MRPS22: variants seen among roughly 807,000 people sequenced by gnomAD.
MRPS22 encodes the protein mitochondrial ribosomal protein S22.
MRPS22 carries 30 observed loss-of-function variants against 44.0 expected under a neutral mutation model. The ratio of observed to expected loss-of-function variants is 0.68; its 90% CI spans 0.51 to 0.93. MRPS22 has a LOEUF of 0.93. Ranked by LOEUF, MRPS22 falls within the 40% of genes least tolerant of loss-of-function variation. The probability of loss-of-function intolerance (pLI) is 0.00; values close to 1 mark genes in which losing one functional copy is unlikely to be tolerated. For synonymous variants in MRPS22, 165 were observed against 154.4 expected (o/e 1.07, Z -0.51); for missense variants, 447 against 447.8 (o/e 1.00, Z 0.02).
chr3:139,348,160 GC>G lies in MRPS22; in HGVS notation c.341del (p.Ala114ValfsTer13), dbSNP rs1941081124. ...KLMTQAQLEEATRQAVEAAKV... is the reference protein window; with the variant it reads ...KLMTQAQLEEXTRQAVEAAKV... ...CTTAATAAATATTTTCTTTCATTAGGCTACAAGACAGGCAGTTGAGGCAGCT... is the reference window on the plus strand; with the variant it reads ...CTTAATAAATATTTTCTTTCATTAGGTACAAGACAGGCAGTTGAGGCAGCT... On this transcript the variant is annotated frameshift_variant and splice_region_variant, in exon 3 of 8. Coordinates refer to ENST00000680020, the MANE Select transcript of MRPS22 (RefSeq NM_020191.4). LOFTEE classifies it high-confidence loss of function. 4 of 1,613,778 alleles carry G rather than the reference GC, an allele frequency of 2.5e-6. No homozygotes were observed.
Position 139,344,192 on chromosome 3 carries a change from G to A in MRPS22, c.166G>A (p.Glu56Lys), listed in dbSNP as rs1057269467. The change falls in exon 1 of 8, where the codon GAG becomes AAG. Residue 56 changes from glutamate to lysine, a missense_variant. Coordinates refer to ENST00000680020, the MANE Select transcript of MRPS22 (RefSeq NM_020191.4). ...MGLPRRRFSS[E>K]AAESGSPETK... ...GCTGCCACGCCGCCGGTTCAGCTCC[G>A]AGGCCGGTAAGTGACCTTCCGGACT... is the stretch of plus-strand genomic sequence containing the variant. The A allele has an allele frequency of 4.2e-5, 68 of 1,607,908 alleles. No homozygotes were observed. The highest frequency in any genetic ancestry group is 5.3e-5 in the Non-Finnish European group (63 of 1,177,764).
At chr3:139,355,419 T>C (rs375862833) in intron 6 of MRPS22, among the ~76,000 whole-genome samples, 1 of 152,188 alleles carries the variant, frequency 6.6e-6, no homozygotes, top group African/African-American at 2.4e-5. Flanking sequence ...TATAGCCACA[T>C]TTGGAATATA....
Position 139,350,234 on chromosome 3 carries a change from A to C in MRPS22, c.560A>C (p.Glu187Ala). 1 of 1,614,196 alleles carries C rather than the reference A, an allele frequency of 6.2e-7. No individual in the cohort carries two copies. Among genetic ancestry groups the C allele is most frequent in the Non-Finnish European group, 8.5e-7 (1 of 1,180,020 alleles). Residue 187 changes from glutamate (E) to alanine (A), a missense_variant, in exon 4 of 8, where the codon GAA becomes GCA. Transcript: ENST00000680020. ...GGCACACTACGCAAAGCCTCTTGGG[A>C]AGAACGGGACCGAATGATACAAGTT... is the stretch of plus-strand genomic sequence containing the variant. ...PSGTLRKASW[E>A]ERDRMIQVYF...
intron 2 of MRPS22, among the ~76,000 whole-genome samples, chr3:139,347,895 A>G (rs1941072386): frequency 6.6e-6 from 1 of 152,216 alleles, no homozygotes; most frequent in African/African-American, 2.4e-5. Flanking sequence ...TTCTGTTTCA[A>G]GCAGCTTTTG....
intron 6 of MRPS22, among the ~76,000 whole-genome samples, chr3:139,353,252 AAGTT>A (rs1941184844): frequency 6.6e-6 from 1 of 152,226 alleles, no homozygotes; most frequent in African/African-American, 2.4e-5. Flanking sequence ...AGGCATGAAA[AAGTT>A]AGCTTCTTTT....
chr3:139,351,213 T>C (rs1941145041), intron 5 of MRPS22, 153 bp downstream of exon 5: 1 of 651,664 alleles, frequency 1.5e-6, no homozygotes, highest in South Asian at 1.7e-5. Context: ...GTGCCAGATA[T>C]ATATTTTATA....
intron 1 of MRPS22, among the ~76,000 whole-genome samples, chr3:139,345,949 C>T (rs1001757163): frequency 3.3e-5 from 5 of 152,110 alleles, no homozygotes; most frequent in Admixed American, 6.6e-5. Context: ...AAAAGGACAT[C>T]GTTCAGAATC....
intron 3 of MRPS22, chr3:139,349,327 G>A (rs1231072178): frequency 4.5e-6 from 2 of 449,056 alleles, no homozygotes; most frequent in South Asian, 1.6e-5. Context: ...TCGATTGGCA[G>A]TGTTGATGGA....
chr3:139,344,000 T>G (rs201655442), upstream of MRPS22: 143 of 1,614,140 alleles, frequency 8.9e-5, no homozygotes, highest in Non-Finnish European at 1.1e-4. Context: ...TCCCAACCAC[T>G]TCCGGCGCAA....
intron 4 of MRPS22, chr3:139,350,667 T>G: frequency 3.1e-6 from 1 of 321,988 alleles, no homozygotes; most frequent in Non-Finnish European, 5.6e-6. Flanking sequence ...ACCTCGGGAT[T>G]CGCACCCCCC....
In MRPS22 at chr3:139,346,740, A is replaced by C. The variant is rs534379173; in HGVS notation, c.173-138A>C. Reference sequence around the variant, plus strand: ...CTTAAATGAAGAAATAAATGAATGCATCTCATAGGTATTAGCATTTTGCAG... The same window carrying C: ...CTTAAATGAAGAAATAAATGAATGCCTCTCATAGGTATTAGCATTTTGCAG... On this transcript the variant is annotated intron_variant, in intron 1 of 7. Transcript: ENST00000680020. 46 of 776,514 alleles carry C rather than the reference A, an allele frequency of 5.9e-5. No homozygotes were observed. In the African/African-American group the frequency reaches 7.2e-4, roughly 12 times the overall value. 48.1% of individuals were successfully genotyped at this position (776,514 alleles called of 1,614,324 possible). A position where few individuals can be genotyped will look rare whatever the true frequency, so the allele number is the denominator to read the frequency against.
chr3:139,356,776 G>T, intron 7 of MRPS22, 143 bp from the exon 8 acceptor site: 1 of 634,008 alleles, frequency 1.6e-6, no homozygotes. Context: ...TTGTATAATC[G>T]GGGGAAAAAT....
At chr3:139,353,696 A>G (rs1420981543) in intron 6 of MRPS22, among the ~76,000 whole-genome samples, 1 of 152,240 alleles carries the variant, frequency 6.6e-6, no homozygotes, top group East Asian at 1.9e-4. Flanking sequence ...ATTCCTAATG[A>G]TGATGATTTC....
At position 139,347,012 on chromosome 3, in the gene MRPS22, T is replaced by C. The variant is rs1369417439; in HGVS notation, c.307T>C (p.Tyr103His). 1 of 1,614,190 alleles carries C rather than the reference T, an allele frequency of 6.2e-7. No homozygotes were observed. The highest frequency in any genetic ancestry group is 1.1e-5 in the South Asian group (1 of 91,080). Residue 103 changes from tyrosine to histidine, a missense_variant, in exon 2 of 8, where the codon TAT becomes CAT. By Grantham distance (83) the Tyr-to-His change is moderately conservative. Transcript: ENST00000680020. ...TATACAAGAACTGAAGCCACCAACC[T>C]ATAAGCTAATGACTCAGGCACAGTT... ...PAIQELKPPT[Y>H]KLMTQAQLEE...
Position 139,349,674 on chromosome 3 carries a change from G to A in MRPS22, c.505-505G>A, listed in dbSNP as rs537615689. Among the ~76,000 whole-genome samples the A allele has an allele frequency of 2.0e-5, 3 of 152,316 alleles. 1 individual carries two copies. In the South Asian group the frequency reaches 6.2e-4, roughly 32 times the overall value. On this transcript the variant is annotated intron_variant, in intron 3 of 7. Coordinates refer to ENST00000680020, the MANE Select transcript of MRPS22 (RefSeq NM_020191.4). ...TGGAAGATCGAAGTGACCAGAGACA[G>A]TTGGACCAGACAGCCTCTCAGACAT... is the stretch of plus-strand genomic sequence containing the variant.
intron 6 of MRPS22, among the ~76,000 whole-genome samples, chr3:139,354,779 A>C (rs1304367319): frequency 6.6e-6 from 1 of 152,186 alleles, no homozygotes; most frequent in Non-Finnish European, 1.5e-5. Context: ...GGGTGTCCTC[A>C]GCCCTCCATT....
intron 4 of MRPS22, 189 bp from the exon 5 acceptor site, chr3:139,350,788 G>T (rs374908847): frequency 7.7e-6 from 5 of 646,362 alleles, no homozygotes; most frequent in Non-Finnish European, 2.8e-6. Flanking sequence ...TTGTACTAGG[G>T]TTCTCTCATA....
intron 1 of MRPS22, chr3:139,344,776 G>T: frequency 1.6e-6 from 1 of 639,658 alleles, no homozygotes; most frequent in Non-Finnish European, 2.8e-6. Context: ...GACAAATTAA[G>T]ATTGTTTCTT....
intron 1 of MRPS22, 29 bp downstream of exon 1, chr3:139,344,227 G>A (rs1940992776): frequency 1.3e-6 from 2 of 1,577,536 alleles, no homozygotes; most frequent in African/African-American, 1.3e-5. Context: ...TTTCGCTGGG[G>A]CGTTCTTCTG....
Sources: gnomAD v4.1 joint callset for allele counts (sites outside exome capture counted in the v4.1 genomes callset) on GRCh38, gnomAD v4.1.1 for gene constraint, MANE v1.5 for transcripts, NCBI Gene and HGNC (gene_info 2026-07-23, HGNC 2026-07-21) for gene names.